The following GCFC2 variants were observed in gnomAD, a reference collection of about 807,000 sequenced individuals.
GCFC2 encodes the protein intron Large complex component GCFC2.
Under a neutral mutation model 99.4 loss-of-function variants are expected in GCFC2, and 102 were observed. The observed-to-expected ratio is 1.03, with a 90% confidence interval of 0.87 to 1.21. The LOEUF (loss-of-function observed/expected upper bound fraction) is 1.21, where lower values mean the gene tolerates loss of function less well. Ranked by LOEUF, GCFC2 falls within the 50% of genes most tolerant of loss-of-function variation. GCFC2 has a pLI of 0.00. For missense variants in GCFC2, 973 were observed against 920.9 expected, an observed-to-expected ratio of 1.06 and a Z score of -0.73; for synonymous variants, 338 against 316.8, an observed-to-expected ratio of 1.07 and a Z score of -0.71.
Position 75,664,773 on chromosome 2 carries a change from C to G in GCFC2, c.2239G>C (p.Glu747Gln). The change falls in exon 17 of 17, where the codon GAA becomes CAA. Residue 747 changes from glutamate to glutamine, a missense_variant. Physicochemically the swap from Glu to Gln is conservative, Grantham distance 29. Transcript: ENST00000321027. Reference protein sequence around the residue: ...LSRSEFRDEVEEIILILVKIK... With the variant: ...LSRSEFRDEVQEIILILVKIK... ...TTCACCAAAATAAGAATTATTTCTT[C>G]GACTTCATCCCTGAAAAACAAAACA... 6.7e-7 allele frequency: 1 copy of G among 1,487,954 alleles called. No homozygotes were observed. The highest frequency in any genetic ancestry group is 2.3e-5 in the East Asian group (1 of 44,156). The allele number at this position is 1,487,954 out of a possible 1,614,324, so 92.2% of individuals were successfully genotyped here.
rs1678660939 is a variant in GCFC2 at position 75,662,804 on chromosome 2, T to C, written c.*1862A>G. The C allele has an allele frequency of 6.6e-6, 1 of 151,890 alleles. No individual in the cohort carries two copies. The highest frequency in any genetic ancestry group is 1.5e-5 in the Non-Finnish European group (1 of 67,962). 9.4% of individuals were successfully genotyped at this position (151,890 alleles called of 1,614,324 possible). On this transcript the variant is annotated 3_prime_UTR_variant, in exon 17 of 17. Coordinates refer to ENST00000321027, the MANE Select transcript of GCFC2 (RefSeq NM_003203.5). ...TATATAAAGGAACACGTCCAACATA[T>C]TTAGTTAAAAATCCAAAAGTCAGAG...
chr2:75,673,549 TGATAGAA>T (rs1558733141), intron 12 of GCFC2, 29 bp from the exon 13 acceptor site: 2 of 914,682 alleles, frequency 2.2e-6, no homozygotes, highest in Non-Finnish European at 1.8e-6. Flanking sequence ...AAAGCATCAG[TGATAGAA>T]GATAGAAATG....
intron 11 of GCFC2, 106 bp downstream of exon 11, chr2:75,687,721 T>G (rs1174115066): frequency 8.9e-5 from 79 of 884,324 alleles, no homozygotes; most frequent in Non-Finnish European, 1.3e-4. Flanking sequence ...AACATTTCCT[T>G]GAGATTAAAA....
chr2:75,674,382 A>G (rs1006472324), intron 12 of GCFC2, among the ~76,000 whole-genome samples: 2 of 152,234 alleles, frequency 1.3e-5, no homozygotes, highest in East Asian at 3.8e-4. Flanking sequence ...CAGTGAATCT[A>G]TCATAAACTT....
intron 8 of GCFC2, 39 bp downstream of exon 8, chr2:75,690,599 C>G (rs772172552): frequency 2.2e-6 from 2 of 911,318 alleles, no homozygotes; most frequent in South Asian, 2.8e-5. Context: ...AGTACTTGCT[C>G]AATGATGCTT....
rs1183234480 is a variant in GCFC2, at chr2:75,705,484, G to A, written c.394+1039C>T. The stretch of plus-strand genomic sequence containing the variant: ...TAAAAATACAAAAAATTAGCCAGGC[G>A]TGGTGGCCTATAGTCCTAGCTACTC... On this transcript the variant is annotated intron_variant, in intron 2 of 16. Coordinates refer to ENST00000321027, the MANE Select transcript of GCFC2 (RefSeq NM_003203.5). Among the ~76,000 whole-genome samples, 7 of 151,436 alleles carry A rather than the reference G, an allele frequency of 4.6e-5. No homozygotes were observed. In the East Asian group the frequency reaches 5.8e-4, roughly 13 times the overall value.
At chr2:75,688,910 G>A in intron 10 of GCFC2, 116 bp downstream of exon 10, 4 of 620,488 alleles carry the variant, frequency 6.4e-6, no homozygotes, top group Non-Finnish European at 1.1e-5. Context: ...TTGTTCCAAA[G>A]CTCTAAATTT....
chr2:75,671,653 A>G (rs1679093224), intron 14 of GCFC2, among the ~76,000 whole-genome samples: 1 of 152,204 alleles, frequency 6.6e-6, no homozygotes, highest in African/African-American at 2.4e-5. Context: ...TGGTTTTAAC[A>G]CTTTTCAAGG....
At chr2:75,682,205 C>T (rs1169787688) in intron 11 of GCFC2, among the ~76,000 whole-genome samples, 4 of 151,812 alleles carry the variant, frequency 2.6e-5, no homozygotes, top group African/African-American at 7.3e-5. Flanking sequence ...CTCTGCCTGG[C>T]ATCTGGCGGA....
upstream of GCFC2, among the ~76,000 whole-genome samples, chr2:75,712,591 G>A (rs555287917): frequency 6.6e-6 from 1 of 152,126 alleles, no homozygotes; most frequent in East Asian, 1.9e-4. Context: ...CCCTTCCACA[G>A]TGTGGAAGCT....
At chr2:75,708,959 A>G (rs1680992155) in intron 1 of GCFC2, among the ~76,000 whole-genome samples, 2 of 152,176 alleles carry the variant, frequency 1.3e-5, no homozygotes, top group South Asian at 4.1e-4. Context: ...ACTTCAACCA[A>G]AACAAAATAG....
chr2:75,673,232 T>C lies in GCFC2; in HGVS notation c.1889+212A>G, dbSNP rs923664614. Among the ~76,000 whole-genome samples, 64 of 151,282 alleles carry C rather than the reference T, an allele frequency of 4.2e-4. 1 individual carries two copies. Among genetic ancestry groups the C allele is most frequent in the Middle Eastern group, 3.4e-3 (1 of 292 alleles). ...CTGAGGCAGGAGAATGGCGTGAACC[T>C]GGGAGGCGGAGCTTGCAGTGAGCCG... On this transcript the variant is annotated intron_variant, in intron 13 of 16. Transcript: ENST00000321027.
At chr2:75,669,232 C>T (rs956263847) in intron 15 of GCFC2, among the ~76,000 whole-genome samples, 1 of 152,132 alleles carries the variant, frequency 6.6e-6, no homozygotes, top group Non-Finnish European at 1.5e-5. Context: ...AATATTAACA[C>T]TTGTTACATG....
At chr2:75,703,056 T>G (rs1199424634) in intron 2 of GCFC2, among the ~76,000 whole-genome samples, 1 of 152,172 alleles carries the variant, frequency 6.6e-6, no homozygotes, top group African/African-American at 2.4e-5. Context: ...GTGAAAAATT[T>G]TAAATGACAA....
chr2:75,694,895 G>A (rs1013314996), intron 5 of GCFC2, among the ~76,000 whole-genome samples: 4 of 151,974 alleles, frequency 2.6e-5, no homozygotes, highest in African/African-American at 9.7e-5. Flanking sequence ...ACCACTTCTG[G>A]AACAAAACAT....
intron 6 of GCFC2, among the ~76,000 whole-genome samples, chr2:75,693,469 T>C (rs868088723): frequency 8.6e-5 from 13 of 151,966 alleles, no homozygotes; most frequent in African/African-American, 2.9e-4. Context: ...AAAATAAAAA[T>C]AACAAAAATG....
chr2:75,679,775 G>A (rs1679488473), intron 12 of GCFC2: 1 of 399,090 alleles, frequency 2.5e-6, no homozygotes, highest in Admixed American at 4.4e-5. Flanking sequence ...ATCTCTGCAG[G>A]GCCAGTGTAT....
chr2:75,696,848 C>A (rs912704002), intron 4 of GCFC2, among the ~76,000 whole-genome samples: 4 of 151,988 alleles, frequency 2.6e-5, no homozygotes, highest in African/African-American at 7.2e-5. Context: ...TCCAGTGGCA[C>A]AATCTCGGCT....
intron 1 of GCFC2, among the ~76,000 whole-genome samples, chr2:75,709,804 A>T (rs1475742105): frequency 6.6e-6 from 1 of 152,248 alleles, no homozygotes; most frequent in Non-Finnish European, 1.5e-5. Context: ...CTATAAGTAT[A>T]TACATTTTTT....
Sources: allele counts gnomAD v4.1 joint callset (sites outside exome capture counted in the v4.1 genomes callset), GRCh38; gene constraint gnomAD v4.1.1; transcripts MANE v1.5; gene names NCBI Gene and HGNC (gene_info 2026-07-23, HGNC 2026-07-21).